Variants in ENPP6 observed in about 807,000 individuals in gnomAD.
ENPP6 encodes the protein ectonucleotide pyrophosphatase/phosphodiesterase 6.
A neutral mutation model predicts 42.0 loss-of-function variants in ENPP6; 32 were observed. The observed-to-expected ratio is 0.76, with a 90% confidence interval of 0.58 to 1.02. The LOEUF (loss-of-function observed/expected upper bound fraction) is 1.02. Among genes scored for constraint, ENPP6 ranks in the 50% least tolerant of loss-of-function variants. ENPP6 has a pLI of 0.00. For missense variants in ENPP6, 552 were observed against 566.8 expected (o/e 0.97, Z 0.27); for synonymous variants, 213 against 216.0 (o/e 0.99, Z 0.12).
intron 1 of ENPP6, among the ~76,000 whole-genome samples, chr4:184,198,030 G>A (rs571083160): frequency 1.6e-4 from 25 of 152,348 alleles, no homozygotes; most frequent in Non-Finnish European, 2.9e-4. Flanking sequence ...AAGATGAGGG[G>A]AGAGGACTTA....
intron 6 of ENPP6, among the ~76,000 whole-genome samples, chr4:184,104,017 C>CTTT (rs34970688): frequency 6.7e-6 from 1 of 148,280 alleles, no homozygotes; most frequent in Non-Finnish European, 1.5e-5. Context: ...CTTTTCTTTT[C>CTTT]TTTTCTTTTT....
rs1736325412 is a variant in ENPP6 at position 184,116,967 on chromosome 4, C to A, written c.744G>T (p.Trp248Cys). Residue 248 changes from tryptophan to cysteine, a missense_variant, in exon 5 of 8, where the codon TGG becomes TGT. Physicochemically the swap from Trp to Cys is radical, Grantham distance 215. Around this residue, in one of 2 missense-constraint regions of ENPP6, gnomAD observed 545 missense variants for 546.3 expected, o/e 1.00. Transcript: ENST00000296741. The stretch of plus-strand genomic sequence containing the variant: ...TATTCAGCTCAATCACTTTGTCCAT[C>A]CAGAAAATGTCGGTCATTCCGTGAT... The part of the protein sequence containing the change: ...FSDHGMTDIF[W>C]MDKVIELNKY... The A allele has an allele frequency of 2.5e-6, 4 of 1,614,066 alleles. No individual in the cohort carries two copies. Among genetic ancestry groups the A allele is most frequent in the Non-Finnish European group, 3.4e-6 (4 of 1,180,052 alleles).
At chr4:184,108,722 CAG>C (rs1456867554) in intron 6 of ENPP6, among the ~76,000 whole-genome samples, 1 of 131,020 alleles carries the variant, frequency 7.6e-6, no homozygotes, top group East Asian at 2.7e-4. Context: ...TAGGAAACTG[CAG>C]AGTCATTAAA....
intron 1 of ENPP6, among the ~76,000 whole-genome samples, chr4:184,207,770 C>T (rs988715844): frequency 2.6e-5 from 4 of 152,170 alleles, no homozygotes; most frequent in Non-Finnish European, 2.9e-5. Context: ...TGTATTCATT[C>T]GCTTGGGCTG....
rs1158394919 is a variant in ENPP6, at chr4:184,091,219, G to A, written c.1281C>T (p.Ser427=). 2 of 1,603,234 alleles carry A rather than the reference G, an allele frequency of 1.2e-6. No homozygotes were observed. The highest frequency in any genetic ancestry group is 1.7e-4 in the Middle Eastern group (1 of 6,016). The change falls in exon 8 of 8, where the codon AGC becomes AGT. Residue 427 remains serine (S), a synonymous_variant. Coordinates refer to ENST00000296741, the MANE Select transcript of ENPP6 (RefSeq NM_153343.4). ...GAAGAATCAGTGCCAGGGCACAGTG[G>A]CTGGGCCAGACAGGCGGGGCAGTGC... ...RASTAPPVWP[S]HCALALILLF...
intron 1 of ENPP6, among the ~76,000 whole-genome samples, chr4:184,171,707 T>G (rs1231651675): frequency 1.3e-5 from 2 of 152,228 alleles, no homozygotes; most frequent in Non-Finnish European, 2.9e-5. Context: ...CTTGCCTTGA[T>G]AGAATAAATA....
At chr4:184,157,429 C>CT (rs374187297) in intron 1 of ENPP6, among the ~76,000 whole-genome samples, 25 of 110,478 alleles carry the variant, frequency 2.3e-4, no homozygotes, top group Middle Eastern at 4.5e-3. Context: ...TTCTTTCTTT[C>CT]CTTTTCTTTC....
chr4:184,176,571 G>A (rs1579650475), intron 1 of ENPP6, among the ~76,000 whole-genome samples: 1 of 152,284 alleles, frequency 6.6e-6, no homozygotes, highest in Non-Finnish European at 1.5e-5. Context: ...TGAACTGCAG[G>A]AGGGAGAAGG....
At chr4:184,149,120 G>A (rs1034493119) in intron 2 of ENPP6, among the ~76,000 whole-genome samples, 1 of 152,162 alleles carries the variant, frequency 6.6e-6, no homozygotes, top group Non-Finnish European at 1.5e-5. Flanking sequence ...TGTTTGCAGT[G>A]TTTTGACATC....
chr4:184,164,509 G>A (rs1444952713), intron 1 of ENPP6, among the ~76,000 whole-genome samples: 1 of 152,162 alleles, frequency 6.6e-6, no homozygotes, highest in African/African-American at 2.4e-5. Context: ...CTGCCCCCAG[G>A]GAAGATGATG....
Position 184,090,945 on chromosome 4 carries a change from C to A in ENPP6, c.*232G>T, listed in dbSNP as rs894901389. The A allele has an allele frequency of 1.7e-5, 8 of 473,856 alleles. No individual in the cohort carries two copies. The highest frequency in any genetic ancestry group is 2.5e-5 in the Non-Finnish European group (7 of 274,570). The allele number at this position is 473,856 out of a possible 1,614,324, so 29.4% of individuals were successfully genotyped here. ...AAAGAAAGGAGAAAATGACATATAACTGCACAAATGGAAAGCTAGGATTTT... is the reference window on the plus strand; with the variant it reads ...AAAGAAAGGAGAAAATGACATATAAATGCACAAATGGAAAGCTAGGATTTT... On this transcript the variant is annotated 3_prime_UTR_variant, in exon 8 of 8. Coordinates refer to ENST00000296741, the MANE Select transcript of ENPP6 (RefSeq NM_153343.4).
At chr4:184,199,017 C>CAGAG (rs1732848593) in intron 1 of ENPP6, among the ~76,000 whole-genome samples, 1 of 152,174 alleles carries the variant, frequency 6.6e-6, no homozygotes, top group East Asian at 1.9e-4. Context: ...TCTGGCTGAA[C>CAGAG]AGAGAAGGAG....
At chr4:184,174,708 A>G (rs1470969013) in intron 1 of ENPP6, among the ~76,000 whole-genome samples, 1 of 152,248 alleles carries the variant, frequency 6.6e-6, no homozygotes, top group African/African-American at 2.4e-5. Flanking sequence ...TTACGATATT[A>G]CTTCTAAATA....
chr4:184,163,260 C>T (rs746308225), intron 1 of ENPP6, among the ~76,000 whole-genome samples: 6 of 152,166 alleles, frequency 3.9e-5, no homozygotes, highest in Non-Finnish European at 4.4e-5. Flanking sequence ...CTCAGGCGGC[C>T]TCCTAGTCTA....
At chr4:184,181,621 G>A (rs1293207912) in intron 1 of ENPP6, among the ~76,000 whole-genome samples, 1 of 152,098 alleles carries the variant, frequency 6.6e-6, no homozygotes, top group African/African-American at 2.4e-5. Flanking sequence ...ATACTACAAG[G>A]CTACAGTAAC....
intron 1 of ENPP6, among the ~76,000 whole-genome samples, chr4:184,175,066 A>G (rs1265298450): frequency 1.3e-5 from 2 of 152,214 alleles, no homozygotes. Context: ...TCGATGTAGT[A>G]TCCCCGTCTC....
At chr4:184,129,157 G>A (rs1260508988) in intron 2 of ENPP6, among the ~76,000 whole-genome samples, 1 of 152,082 alleles carries the variant, frequency 6.6e-6, no homozygotes. Context: ...TTCTCGAACA[G>A]GAAAAAGAAA....
At chr4:184,188,051 G>A (rs1318957240) in intron 1 of ENPP6, among the ~76,000 whole-genome samples, 1 of 152,186 alleles carries the variant, frequency 6.6e-6, no homozygotes, top group Non-Finnish European at 1.5e-5. Context: ...CTAGAGTCAC[G>A]ATAGATGATG....
At chr4:184,141,449 G>A (rs974966829) in intron 2 of ENPP6, among the ~76,000 whole-genome samples, 3 of 152,254 alleles carry the variant, frequency 2.0e-5, no homozygotes, top group African/African-American at 7.2e-5. Flanking sequence ...GGCAACAAGG[G>A]CGATGGGCTG....
Sources: allele counts gnomAD v4.1 joint callset (sites outside exome capture counted in the v4.1 genomes callset), GRCh38; gene constraint gnomAD v4.1.1; regional missense constraint gnomAD v4.1.1; transcripts MANE v1.5; gene names NCBI Gene and HGNC (gene_info 2026-07-23, HGNC 2026-07-21).